The following TBCD variants were observed in gnomAD, a reference collection of about 807,000 sequenced individuals.
The protein encoded by TBCD is tubulin folding cofactor D.
A neutral mutation model predicts 169.3 loss-of-function variants in TBCD; 105 were observed. That is an observed-to-expected ratio of 0.62 (90% CI 0.53 to 0.73). The LOEUF (loss-of-function observed/expected upper bound fraction) is 0.73. TBCD is among the 30% of genes least tolerant of loss of function. The pLI is 0.00. For synonymous variants in TBCD, 700 were observed against 643.9 expected, an observed-to-expected ratio of 1.09 and a Z score of -1.32; for missense variants, 1,444 against 1,600.1, an observed-to-expected ratio of 0.90 and a Z score of 1.66.
At chr17:82,841,040 C>T (rs991195860) in intron 13 of TBCD, among the ~76,000 whole-genome samples, 3 of 135,278 alleles carry the variant, frequency 2.2e-5, no homozygotes, top group Admixed American at 1.7e-4. Context: ...GATCTTGGCT[C>T]ACTGCGTTTC....
chr17:82,891,495 G>A (rs2059134002), intron 16 of TBCD, among the ~76,000 whole-genome samples: 1 of 152,198 alleles, frequency 6.6e-6, no homozygotes, highest in Non-Finnish European at 1.5e-5. Context: ...GCGCAGGTGC[G>A]GAGCGTCTCC....
rs988479903 is a variant in TBCD, at chr17:82,903,329, C to T, written c.1731-76C>T. 7 of 1,395,800 alleles carry T rather than the reference C, an allele frequency of 5.0e-6. 1 individual carries two copies. The highest frequency in any genetic ancestry group is 2.0e-6 in the Non-Finnish European group (2 of 1,007,036). The allele number at this position is 1,395,800 out of a possible 1,614,324, so 86.5% of individuals were successfully genotyped here. On this transcript the variant is annotated intron_variant, in intron 18 of 38. Coordinates refer to ENST00000355528, the MANE Select transcript of TBCD (RefSeq NM_005993.5). The surrounding 1 kb of genome is among the most constrained non-coding windows in gnomAD (Gnocchi z 4.8). ...TTGAGGACTCGTGTGTTGTCTCCCT[C>T]ACTTTCTTTTTATGAATTGAATAAA...
chr17:82,781,800 T>C, intron 7 of TBCD, 79 bp downstream of exon 7: 2 of 1,569,034 alleles, frequency 1.3e-6, no homozygotes, highest in Admixed American at 1.7e-5. Flanking sequence ...ATGTTACCTG[T>C]GATTCCATCT....
At chr17:82,851,741 G>C (rs1013769001) in intron 13 of TBCD, among the ~76,000 whole-genome samples, 3 of 152,226 alleles carry the variant, frequency 2.0e-5, no homozygotes, top group African/African-American at 7.2e-5. Context: ...ACGCGTGGCC[G>C]ACGGGCAGAA....
At chr17:82,866,834 C>T (rs573922033) in intron 13 of TBCD, among the ~76,000 whole-genome samples, 2 of 152,368 alleles carry the variant, frequency 1.3e-5, no homozygotes, top group African/African-American at 4.8e-5. Context: ...GTCCAGTGTG[C>T]ACGGGCCACC....
At chr17:82,904,408 C>T (rs112879237) in intron 19 of TBCD, among the ~76,000 whole-genome samples, 2 of 152,208 alleles carry the variant, frequency 1.3e-5, no homozygotes, top group Non-Finnish European at 2.9e-5. Context: ...ACCTGCCACA[C>T]GTGAATGCAC....
At chr17:82,800,215 C>T (rs760987476) in intron 8 of TBCD, among the ~76,000 whole-genome samples, 12 of 152,316 alleles carry the variant, frequency 7.9e-5, no homozygotes, top group Non-Finnish European at 1.3e-4. Context: ...TTGTCTGTCC[C>T]GGGAATGCTG....
In TBCD at chr17:82,886,755, G is replaced by A. The variant is rs1401537997; in HGVS notation, c.1533+2553G>A. On this transcript the variant is annotated intron_variant, in intron 15 of 38. Coordinates refer to ENST00000355528, the MANE Select transcript of TBCD (RefSeq NM_005993.5). ...TGCGATCTTGGCTTATTGCAACCTC[G>A]GCCTCCCGGGTTCAAGCAGTTCTCC... Among the ~76,000 whole-genome samples the A allele has an allele frequency of 2.1e-5, 3 of 139,724 alleles. No individual in the cohort carries two copies. In the East Asian group the frequency reaches 6.5e-4, roughly 30 times the overall value. The allele number at this position is 139,724 out of a possible 152,430, so 91.7% of individuals were successfully genotyped here. A position where few individuals can be genotyped will look rare whatever the true frequency, so the allele number is the denominator to read the frequency against.
At chr17:82,887,168 T>TGTGCGCGCGCGCGC in intron 15 of TBCD, among the ~76,000 whole-genome samples, 91 of 126,164 alleles carry the variant, frequency 7.2e-4, no homozygotes, top group Non-Finnish European at 1.2e-3. Flanking sequence ...TGTGTGTGTG[T>TGTGCGCGCGCGCGC]GCGCGCGCGC....
intron 13 of TBCD, among the ~76,000 whole-genome samples, chr17:82,866,623 G>A (rs925365432): frequency 1.3e-5 from 2 of 152,260 alleles, no homozygotes; most frequent in African/African-American, 2.4e-5. Flanking sequence ...AGGACTTTGC[G>A]CTGTGGCCTG....
intron 13 of TBCD, among the ~76,000 whole-genome samples, chr17:82,848,242 CAG>C (rs1433490901): frequency 1.3e-5 from 2 of 152,202 alleles, no homozygotes; most frequent in Non-Finnish European, 2.9e-5. Flanking sequence ...CAGGCACCGT[CAG>C]AGTCAGAGGG....
At chr17:82,819,066 GAAAA>G (rs917694111) in intron 13 of TBCD, among the ~76,000 whole-genome samples, 2 of 151,812 alleles carry the variant, frequency 1.3e-5, no homozygotes, top group Non-Finnish European at 1.5e-5. Context: ...TCAAAAAAAA[GAAAA>G]AAAAGCGCGA....
chr17:82,935,589 A>G (rs1461391337), intron 34 of TBCD, among the ~76,000 whole-genome samples: 3 of 151,206 alleles, frequency 2.0e-5, no homozygotes, highest in South Asian at 2.1e-4. Flanking sequence ...CGCTTACCCT[A>G]GAAATTAGAA....
chr17:82,869,035 T>G (rs1465014555), intron 13 of TBCD, among the ~76,000 whole-genome samples: 1 of 151,482 alleles, frequency 6.6e-6, no homozygotes, highest in African/African-American at 2.4e-5. Context: ...GGCCTTGGTG[T>G]GTGGGTGCTT....
chr17:82,804,491 GCTT>G (rs1358603385), intron 9 of TBCD, among the ~76,000 whole-genome samples: 3 of 152,236 alleles, frequency 2.0e-5, no homozygotes, highest in Non-Finnish European at 4.4e-5. Flanking sequence ...CTCTCCTGAG[GCTT>G]CTTGAAGGCG....
intron 13 of TBCD, among the ~76,000 whole-genome samples, chr17:82,842,841 C>T (rs2054639723): frequency 6.9e-6 from 1 of 144,012 alleles, no homozygotes; most frequent in African/African-American, 2.6e-5. Context: ...AGTGCAGTGG[C>T]GCGATCTCGG....
At chr17:82,916,732 A>G (rs1457778169) in intron 23 of TBCD, among the ~76,000 whole-genome samples, 1 of 152,002 alleles carries the variant, frequency 6.6e-6, no homozygotes, top group East Asian at 1.9e-4. Context: ...TTTGGTTTTC[A>G]GCACTTTTAC....
intron 22 of TBCD, among the ~76,000 whole-genome samples, chr17:82,910,605 C>T (rs978731982): frequency 3.3e-5 from 5 of 151,752 alleles, no homozygotes; most frequent in South Asian, 2.1e-4. Context: ...CTCACTCTGT[C>T]GCCCAGGCTG....
intron 15 of TBCD, chr17:82,885,966 C>T (rs2058681145): frequency 2.0e-5 from 3 of 152,180 alleles, no homozygotes; most frequent in Admixed American, 2.0e-4. Flanking sequence ...ATAACAATGT[C>T]TCGGTCTTTC....
Sources: gnomAD v4.1 joint callset for allele counts (sites outside exome capture counted in the v4.1 genomes callset) on GRCh38, gnomAD v4.1.1 for gene constraint, Gnocchi (gnomAD v3.1) non-coding constraint, MANE v1.5 for transcripts, NCBI Gene and HGNC (gene_info 2026-07-23, HGNC 2026-07-21) for gene names.